The following KCNH2 variants were observed in gnomAD, a reference collection of about 807,000 sequenced individuals.
The protein encoded by KCNH2 is potassium voltage-gated channel subfamily H member 2.
Under a neutral mutation model 95.9 loss-of-function variants are expected in KCNH2, and 35 were observed. That is an observed-to-expected ratio of 0.37 (90% CI 0.28 to 0.48). The LOEUF is 0.48. Ranked by LOEUF, KCNH2 falls within the 20% of genes least tolerant of loss-of-function variation. The pLI is 0.99. For missense variants in KCNH2, 1,274 were observed against 1,702.9 expected (o/e 0.75, Z 4.43); for synonymous variants, 786 against 754.7 (o/e 1.04, Z -0.68).
chr7:150,945,194 G>C lies in KCNH2; in HGVS notation c.*171C>G. The stretch of plus-strand genomic sequence containing the variant: ...GGCCCTGCCCCTGCCCCTCTCACTG[G>C]GGCCCAGGGGACTGCAGGAGAAGAT... On this transcript the variant is annotated 3_prime_UTR_variant, in exon 15 of 15. Coordinates refer to ENST00000262186, the MANE Select transcript of KCNH2 (RefSeq NM_000238.4). The surrounding 1 kb of genome is among the most constrained non-coding windows in gnomAD (Gnocchi z 5.6). The C allele has an allele frequency of 1.4e-6, 1 of 729,516 alleles. No homozygotes were observed. The highest frequency in any genetic ancestry group is 2.2e-6 in the Non-Finnish European group (1 of 457,344). The allele number at this position is 729,516 out of a possible 1,614,324, so 45.2% of individuals were successfully genotyped here.
In KCNH2 at chr7:150,958,318, G is replaced by A. The variant is rs1187595181; in HGVS notation, c.657C>T (p.Asp219=). 1.3e-6 allele frequency: 2 copies of A among 1,487,578 alleles called. No individual in the cohort carries two copies. Among genetic ancestry groups the A allele is most frequent in the East Asian group, 2.9e-5 (1 of 34,740 alleles). 92.1% of individuals were successfully genotyped at this position (1,487,578 alleles called of 1,614,324 possible). ...SLALDEVTAM[D]NHVAGLGPAE... is the part of the protein sequence containing the mutation. ...CGGGCCCGAGCCCTGCCACGTGGTT[G>A]TCCATGGCTGTCACTTCGTCCAGGG... Residue 219 remains aspartate, a synonymous_variant, in exon 4 of 15, where the codon GAC becomes GAT. Coordinates refer to ENST00000262186, the MANE Select transcript of KCNH2 (RefSeq NM_000238.4).
chr7:150,960,682 G>A (rs201644245), intron 2 of KCNH2, among the ~76,000 whole-genome samples: 2 of 152,198 alleles, frequency 1.3e-5, no homozygotes, highest in East Asian at 3.8e-4. Context: ...AGTCTAAGAA[G>A]CACTGCTTCT....
intron 9 of KCNH2, chr7:150,949,876 G>A: frequency 2.2e-6 from 3 of 1,379,178 alleles, no homozygotes; most frequent in African/African-American, 1.4e-5. Context: ...CTACTGCCCA[G>A]GCTAGAGGAT....
chr7:150,958,461 C>CCAGCAG lies in KCNH2; in HGVS notation c.508_513dup (p.Leu170_Leu171dup), dbSNP rs1801462189. ...ACCGACGACTCCCGGGCCGTCAGCGCCAGCAGCGCGGGCAGCTTCAGGCGG... is the reference window on the plus strand; with the variant it reads ...ACCGACGACTCCCGGGCCGTCAGCGCCAGCAGCAGCAGCGCGGGCAGCTTCAGGCGG... On this transcript the variant is annotated inframe_insertion, in exon 4 of 15. Coordinates refer to ENST00000262186, the MANE Select transcript of KCNH2 (RefSeq NM_000238.4). The CCAGCAG allele has an allele frequency of 4.1e-6, 6 of 1,466,308 alleles. No homozygotes were observed. Among genetic ancestry groups the CCAGCAG allele is most frequent in the Non-Finnish European group, 4.5e-6 (5 of 1,115,218 alleles). 90.8% of individuals were successfully genotyped at this position (1,466,308 alleles called of 1,614,324 possible).
chr7:150,952,807 G>A lies in KCNH2; in HGVS notation c.1175C>T (p.Ala392Val). The change falls in exon 6 of 15, where the codon GCA becomes GTA. Residue 392 changes from alanine to valine, a missense_variant. Around this residue, in one of 7 missense-constraint regions of KCNH2, gnomAD observed 392 missense variants for 429.9 expected, o/e 0.91. Coordinates refer to ENST00000262186, the MANE Select transcript of KCNH2 (RefSeq NM_000238.4). The surrounding 1 kb of genome is among the most constrained non-coding windows in gnomAD (Gnocchi z 7.3). Reference protein sequence around the residue: ...ADVLPEYKLQAPRIHRWTILH... With the variant: ...ADVLPEYKLQVPRIHRWTILH... The stretch of plus-strand genomic sequence containing the variant: ...GATGGTCCAGCGGTGGATGCGCGGT[G>A]CCTGCAGCTTGTACTCAGGCAGCAC... The A allele has an allele frequency of 1.2e-6, 2 of 1,614,042 alleles. No individual in the cohort carries two copies. Among genetic ancestry groups the A allele is most frequent in the Non-Finnish European group, 1.7e-6 (2 of 1,180,012 alleles).
At position 150,945,574 on chromosome 7, in the gene KCNH2, G is replaced by T; in HGVS notation, c.3331-60C>A. The T allele has an allele frequency of 1.3e-6, 2 of 1,524,390 alleles. No individual in the cohort carries two copies. Among genetic ancestry groups the T allele is most frequent in the Non-Finnish European group, 1.8e-6 (2 of 1,122,188 alleles). 94.4% of individuals were successfully genotyped at this position (1,524,390 alleles called of 1,614,324 possible). A position where few individuals can be genotyped will look rare whatever the true frequency, so the allele number is the denominator to read the frequency against. On this transcript the variant is annotated intron_variant, in intron 14 of 14. Coordinates refer to ENST00000262186, the MANE Select transcript of KCNH2 (RefSeq NM_000238.4). The surrounding 1 kb of genome is among the most constrained non-coding windows in gnomAD (Gnocchi z 5.6). Reference sequence around the variant, plus strand: ...GCCATGGAGGAGGAGGAAGGGGAGGGAAAGGGGCAGGAGAACCCGGGGACA... The same window carrying T: ...GCCATGGAGGAGGAGGAAGGGGAGGTAAAGGGGCAGGAGAACCCGGGGACA...
rs770433324 is a variant in KCNH2 at position 150,950,438 on chromosome 7, G to A, written c.2146-18C>T. The A allele has an allele frequency of 1.9e-6, 3 of 1,609,838 alleles. No individual in the cohort carries two copies. Among genetic ancestry groups the A allele is most frequent in the Non-Finnish European group, 2.5e-6 (3 of 1,179,818 alleles). ...TTCAGCACCTGGGGGCAGGGTGGGG[G>A]CAGCTCAGCACACCCTCCCTTGGGA... On this transcript the variant is annotated intron_variant, in intron 8 of 14. Coordinates refer to ENST00000262186, the MANE Select transcript of KCNH2 (RefSeq NM_000238.4).
Position 150,950,157 on chromosome 7 carries a change from C to G in KCNH2, c.2398+11G>C. The G allele has an allele frequency of 1.3e-6, 1 of 768,438 alleles. No homozygotes were observed. The highest frequency in any genetic ancestry group is 2.2e-6 in the Non-Finnish European group (1 of 455,316). 47.6% of individuals were successfully genotyped at this position (768,438 alleles called of 1,614,324 possible). On this transcript the variant is annotated intron_variant, in intron 9 of 14. Coordinates refer to ENST00000262186, the MANE Select transcript of KCNH2 (RefSeq NM_000238.4). The stretch of plus-strand genomic sequence containing the variant: ...GCATTTCCAGTCCAGTGCCCGCCCC[C>G]CACCCCATACCCAGGATGGCCACGA...
chr7:150,955,962 C>T (rs1801363063), intron 5 of KCNH2: 1 of 487,876 alleles, frequency 2.0e-6, no homozygotes, highest in Non-Finnish European at 2.7e-6. Context: ...CTGAGCCCCT[C>T]CCCCTCCGCC....
intron 1 of KCNH2, 149 bp downstream of exon 1, chr7:150,977,689 C>T: frequency 1.6e-6 from 1 of 620,234 alleles, no homozygotes; most frequent in Non-Finnish European, 2.7e-6. Context: ...TTGCCCCCGC[C>T]GTCCCCTCGC....
chr7:150,954,936 C>T lies in KCNH2; in HGVS notation c.1129-2083G>A, dbSNP rs542832759. ...TGGCTTCCGCACATTCCAGCCTCCT[C>T]GACCCCCCAAAACAGCACAAGCCTC... On this transcript the variant is annotated intron_variant, in intron 5 of 14. Transcript: ENST00000262186. 5.8e-4 allele frequency among the ~76,000 whole-genome samples: 88 copies of T among 152,328 alleles called. 1 individual carries two copies. Among genetic ancestry groups the T allele is most frequent in the Admixed American group, 4.2e-3 (64 of 15,306 alleles).
In KCNH2 at chr7:150,957,431, T is replaced by C. The variant is rs1216093762; in HGVS notation, c.988A>G (p.Ile330Val). ...AGGGTGATTTGGGGAATCTTGCTAA[T>C]GGTGCGGTAGCGCACGAGGTCGGAG... ...SDSDLVRYRT[I>V]SKIPQITLNF... Residue 330 changes from isoleucine to valine, a missense_variant, in exon 5 of 15, where the codon ATT (isoleucine) becomes GTT (valine). Transcript: ENST00000262186. 9 of 1,614,214 alleles carry C rather than the reference T, an allele frequency of 5.6e-6. No individual in the cohort carries two copies. The highest frequency in any genetic ancestry group is 1.1e-5 in the South Asian group (1 of 91,078).
rs763602928 is a variant in KCNH2, at chr7:150,945,218, A to T, written c.*147T>A. ...GGGGCCCAGGGGACTGCAGGAGAAG[A>T]TGGTCCCAAGGGCTGGGGGAGGAGC... On this transcript the variant is annotated 3_prime_UTR_variant, in exon 15 of 15. Coordinates refer to ENST00000262186, the MANE Select transcript of KCNH2 (RefSeq NM_000238.4). The surrounding 1 kb of genome is among the most constrained non-coding windows in gnomAD (Gnocchi z 5.6). 970 of 889,098 alleles carry T rather than the reference A, an allele frequency of 1.1e-3. 3 individuals carry two copies. The highest frequency in any genetic ancestry group is 1.5e-3 in the Non-Finnish European group (897 of 599,184). The allele number at this position is 889,098 out of a possible 1,614,324, so 55.1% of individuals were successfully genotyped here.
At chr7:150,951,965 G>C (rs1801191520) in intron 6 of KCNH2, 130 bp from the exon 7 acceptor site, 10 of 841,754 alleles carry the variant, frequency 1.2e-5, no homozygotes, top group Non-Finnish European at 1.8e-5. Flanking sequence ...CTCCTCCTAA[G>C]AGGTGAAGCC....
chr7:150,947,669 G>A lies in KCNH2; in HGVS notation c.2902C>T (p.Pro968Ser). ...FSSPRPPGEP[P>S]GGEPLMEDCE... ...TCCTCCATCAGGGGCTCCCCACCCG[G>A]CGGCTCTCCGGGGGGCCTGGGGCTG... Residue 968 changes from proline to serine, a missense_variant, in exon 12 of 15, where the codon CCG (proline) becomes TCG (serine). Pro to Ser is a moderately conservative substitution (Grantham distance 74, BLOSUM62 -1). Coordinates refer to ENST00000262186, the MANE Select transcript of KCNH2 (RefSeq NM_000238.4). 6 of 1,607,580 alleles carry A rather than the reference G, an allele frequency of 3.7e-6. No homozygotes were observed. The highest frequency in any genetic ancestry group is 5.1e-6 in the Non-Finnish European group (6 of 1,177,424).
At position 150,959,174 on chromosome 7, in the gene KCNH2, C is replaced by A. The variant is rs59557198; in HGVS notation, c.472+398G>T. On this transcript the variant is annotated intron_variant, in intron 3 of 14. Transcript: ENST00000262186. ...AGCAGATGAAAGAAACTACACACAG[C>A]TGAGTCCATAGGACACAGCTTCCTA... Among the ~76,000 whole-genome samples, 273 of 152,332 alleles carry A rather than the reference C, an allele frequency of 1.8e-3. 2 individuals carry two copies. The highest frequency in any genetic ancestry group is 6.2e-3 in the African/African-American group (259 of 41,570).
intron 2 of KCNH2, among the ~76,000 whole-genome samples, chr7:150,970,637 TGCAG>T (rs1211193537): frequency 1.3e-4 from 20 of 152,290 alleles, no homozygotes; most frequent in African/African-American, 4.3e-4. Context: ...GGGAAGGTGC[TGCAG>T]GGCAAGAGGC....
At chr7:150,955,031 T>A (rs1464569799) in intron 5 of KCNH2, among the ~76,000 whole-genome samples, 5 of 152,222 alleles carry the variant, frequency 3.3e-5, no homozygotes, top group African/African-American at 4.8e-5. Context: ...CAGGCCCAGC[T>A]GTCGCCTGCC....
intron 2 of KCNH2, among the ~76,000 whole-genome samples, chr7:150,960,598 A>G (rs1801539351): frequency 6.6e-6 from 1 of 152,216 alleles, no homozygotes; most frequent in African/African-American, 2.4e-5. Flanking sequence ...AAATCCACGC[A>G]TGTGCTCTTG....
Sources: allele counts gnomAD v4.1 joint callset (sites outside exome capture counted in the v4.1 genomes callset), GRCh38; gene constraint gnomAD v4.1.1; regional missense constraint gnomAD v4.1.1; non-coding constraint Gnocchi (gnomAD v3.1); transcripts MANE v1.5; gene names NCBI Gene and HGNC (gene_info 2026-07-23, HGNC 2026-07-21).